Variants in ZNF292 observed in about 807,000 individuals in gnomAD.
ZNF292 encodes the protein 16 zinc-finger domain protein.
Under a neutral mutation model 217.9 loss-of-function variants are expected in ZNF292, and 26 were observed. That is an observed-to-expected ratio of 0.12 (90% CI 0.09 to 0.17). The LOEUF is 0.17. Ranked by LOEUF, ZNF292 falls within the 10% of genes least tolerant of loss-of-function variation. The probability of loss-of-function intolerance (pLI) is 1.00; values close to 1 mark genes in which losing one functional copy is unlikely to be tolerated. For missense variants in ZNF292, 2,904 were observed against 3,175.2 expected (o/e 0.91, Z 2.05); for synonymous variants, 1,257 against 1,124.1 (o/e 1.12, Z -2.37).
intron 4 of ZNF292, among the ~76,000 whole-genome samples, chr6:87,231,059 G>A (rs945949638): frequency 3.9e-5 from 6 of 152,246 alleles, no homozygotes; most frequent in East Asian, 1.9e-4. Flanking sequence ...AGTCTTTGTT[G>A]CAATATTGTA....
intron 7 of ZNF292, among the ~76,000 whole-genome samples, chr6:87,247,546 G>T (rs1774667803): frequency 6.6e-6 from 1 of 152,088 alleles, no homozygotes; most frequent in Admixed American, 6.6e-5. Flanking sequence ...CGTATGCCAA[G>T]TAAGTTAATG....
chr6:87,174,624 C>T (rs1369074633), intron 1 of ZNF292, among the ~76,000 whole-genome samples: 1 of 151,960 alleles, frequency 6.6e-6, no homozygotes, highest in Admixed American at 6.6e-5. Context: ...TGTTCTTGTC[C>T]TAGAGTCATA....
rs935478833 is a variant in ZNF292, at chr6:87,197,395, G to C, written c.169-18508G>C. ...TGTTTTTGAAACCTGAGTACAATTT[G>C]AGAATATCAGATTTTTAACATTTGG... On this transcript the variant is annotated intron_variant, in intron 1 of 7. Coordinates refer to ENST00000369577, the MANE Select transcript of ZNF292 (RefSeq NM_015021.3). Among the ~76,000 whole-genome samples the C allele has an allele frequency of 6.0e-5, 9 of 149,600 alleles. No homozygotes were observed. The South Asian group carries it at 1.9e-3, about 31-fold the overall frequency.
intron 1 of ZNF292, among the ~76,000 whole-genome samples, chr6:87,188,007 C>T (rs1438921538): frequency 6.6e-6 from 1 of 152,112 alleles, no homozygotes; most frequent in Non-Finnish European, 1.5e-5. Flanking sequence ...GAACTAGGTC[C>T]AGTTGCTTGT....
chr6:87,219,037 T>G (rs1461714779), intron 4 of ZNF292, among the ~76,000 whole-genome samples: 1 of 152,166 alleles, frequency 6.6e-6, no homozygotes, highest in Non-Finnish European at 1.5e-5. Flanking sequence ...TATTTGATAG[T>G]TGGGAGAAAC....
At chr6:87,243,827 C>G (rs900082153) in intron 6 of ZNF292, among the ~76,000 whole-genome samples, 1 of 152,028 alleles carries the variant, frequency 6.6e-6, no homozygotes, top group East Asian at 1.9e-4. Context: ...GCATGCATAC[C>G]AGGAATTATC....
Position 87,249,458 on chromosome 6 carries a change from T to A in ZNF292, c.1020+3814T>A, listed in dbSNP as rs751331847. 173 of 231,868 alleles carry A rather than the reference T, an allele frequency of 7.5e-4. 1 individual carries two copies. Among genetic ancestry groups the A allele is most frequent in the Non-Finnish European group, 1.2e-3 (126 of 108,360 alleles). The allele number at this position is 231,868 out of a possible 1,614,324, so 14.4% of individuals were successfully genotyped here. A position where few individuals can be genotyped will look rare whatever the true frequency, so the allele number is the denominator to read the frequency against. On this transcript the variant is annotated intron_variant, in intron 7 of 7. Transcript: ENST00000369577. ...AGCAGCCTTCTTGACAGGGATAGTATGCACCATGGTAATTGCTCTGTCCAA... is the reference window on the plus strand; with the variant it reads ...AGCAGCCTTCTTGACAGGGATAGTAAGCACCATGGTAATTGCTCTGTCCAA...
Position 87,204,593 on chromosome 6 carries a change from C to T in ZNF292, c.169-11310C>T, listed in dbSNP as rs1341382961. Among the ~76,000 whole-genome samples the T allele has an allele frequency of 2.9e-5, 3 of 102,832 alleles. No homozygotes were observed. The Admixed American group carries it at 4.1e-4, about 14-fold the overall frequency. 67.5% of individuals were successfully genotyped at this position (102,832 alleles called of 152,430 possible). On this transcript the variant is annotated intron_variant, in intron 1 of 7. Coordinates refer to ENST00000369577, the MANE Select transcript of ZNF292 (RefSeq NM_015021.3). ...TTTTTTTTTTTTTGATACTAAGTCT[C>T]GCTCTTATCGCCCAGGCTGGAGTGC...
Position 87,262,645 on chromosome 6 carries a change from A to G in ZNF292, c.*844A>G, listed in dbSNP as rs1051352069. 7.2e-5 allele frequency: 11 copies of G among 152,154 alleles called. No individual in the cohort carries two copies. In the South Asian group the frequency reaches 1.0e-3, roughly 14 times the overall value. The allele number at this position is 152,154 out of a possible 1,614,324, so 9.4% of individuals were successfully genotyped here. A position where few individuals can be genotyped will look rare whatever the true frequency, so the allele number is the denominator to read the frequency against. ...TAAAAAAAAATCCTTTGTGAATGTG[A>G]TAGAAAACTAGTAGTGTGGAGCAGT... is the stretch of plus-strand genomic sequence containing the variant. On this transcript the variant is annotated 3_prime_UTR_variant, in exon 8 of 8. Transcript: ENST00000369577.
chr6:87,205,957 G>A (rs907426680), intron 1 of ZNF292, among the ~76,000 whole-genome samples: 1 of 151,934 alleles, frequency 6.6e-6, no homozygotes, highest in East Asian at 1.9e-4. Flanking sequence ...AAGCATTATC[G>A]CTCACTCATC....
At chr6:87,172,723 C>T (rs1218378893) in intron 1 of ZNF292, among the ~76,000 whole-genome samples, 6 of 151,796 alleles carry the variant, frequency 4.0e-5, no homozygotes, top group Non-Finnish European at 7.4e-5. Context: ...CTGGGCAACA[C>T]GGCAAAACCT....
intron 1 of ZNF292, among the ~76,000 whole-genome samples, chr6:87,169,353 T>C (rs572561118): frequency 1.3e-3 from 205 of 151,984 alleles, no homozygotes; most frequent in Non-Finnish European, 2.4e-3. Flanking sequence ...CTTTTTTTTT[T>C]CCAGTGTATT....
rs1341936816 is a variant in ZNF292, at chr6:87,261,663, T to C, written c.8034T>C (p.Thr2678=). Reference sequence around the variant, plus strand: ...TAGACAAGAATCTTAAAGATTGCACTGAGCTTGTCTTAAAGCAACTTCAGG... The same window carrying C: ...TAGACAAGAATCTTAAAGATTGCACCGAGCTTGTCTTAAAGCAACTTCAGG... ...IVLDKNLKDC[T]ELVLKQLQEM... Residue 2678 remains threonine (T), a synonymous_variant, in exon 8 of 8, where the codon ACT becomes ACC. Transcript: ENST00000369577. 1 of 1,612,622 alleles carries C rather than the reference T, an allele frequency of 6.2e-7. No individual in the cohort carries two copies. The highest frequency in any genetic ancestry group is 8.5e-7 in the Non-Finnish European group (1 of 1,179,286).
chr6:87,200,346 G>A (rs1297381214), intron 1 of ZNF292, among the ~76,000 whole-genome samples: 1 of 152,190 alleles, frequency 6.6e-6, no homozygotes, highest in Non-Finnish European at 1.5e-5. Flanking sequence ...CTAAGCTGAA[G>A]TCAGAATTGT....
chr6:87,223,401 T>C (rs1773190504), intron 4 of ZNF292: 1 of 152,304 alleles, frequency 6.6e-6, no homozygotes, highest in Non-Finnish European at 1.5e-5. Flanking sequence ...TCACTGTTGA[T>C]GTGAACCTAG....
At chr6:87,222,942 C>G (rs1773162422) in intron 4 of ZNF292, 1 of 374,788 alleles carries the variant, frequency 2.7e-6, no homozygotes, top group African/African-American at 2.1e-5. Flanking sequence ...ATGTTGTTCT[C>G]ATGATTAGAC....
chr6:87,230,277 G>A (rs1026967124), intron 4 of ZNF292, among the ~76,000 whole-genome samples: 7 of 152,174 alleles, frequency 4.6e-5, no homozygotes, highest in Non-Finnish European at 8.8e-5. Flanking sequence ...TAGGAACCCA[G>A]TAAATGAGTT....
At chr6:87,162,018 T>A (rs1770770724) in intron 1 of ZNF292, among the ~76,000 whole-genome samples, 1 of 152,230 alleles carries the variant, frequency 6.6e-6, no homozygotes, top group South Asian at 2.1e-4. Flanking sequence ...TTATAGTATA[T>A]AGTAATTCTA....
chr6:87,173,322 T>C (rs1398226441), intron 1 of ZNF292: 1 of 152,258 alleles, frequency 6.6e-6, no homozygotes, highest in African/African-American at 2.4e-5. Context: ...AGTCAATCTT[T>C]TAAAAACTGA....
Sources: gnomAD v4.1 joint callset for allele counts (sites outside exome capture counted in the v4.1 genomes callset) on GRCh38, gnomAD v4.1.1 for gene constraint, MANE v1.5 for transcripts, NCBI Gene and HGNC (gene_info 2026-07-23, HGNC 2026-07-21) for gene names.